RNGTT: variants seen among roughly 807,000 people sequenced by gnomAD.
RNGTT encodes mRNA-capping enzyme.
In RNGTT, 33 loss-of-function variants were observed where a neutral mutation model predicts 79.3. The ratio of observed to expected loss-of-function variants is 0.42; its 90% CI spans 0.32 to 0.56. The LOEUF (loss-of-function observed/expected upper bound fraction) is 0.56. RNGTT is among the 20% of genes least tolerant of loss of function. The probability of loss-of-function intolerance (pLI) is 0.17; values close to 1 mark genes in which losing one functional copy is unlikely to be tolerated. For missense variants in RNGTT, 497 were observed against 739.1 expected (o/e 0.67, Z 3.80); for synonymous variants, 222 against 235.9 (o/e 0.94, Z 0.54).
rs1783054235 is a variant in RNGTT at position 88,891,721 on chromosome 6, G to A, written c.794+85C>T. ...TCTATTGCAAACATACTAACTTCAA[G>A]GAGCCAAGAAGATATGTCAATGCTT... On this transcript the variant is annotated intron_variant, in intron 7 of 15. Coordinates refer to ENST00000369485, the MANE Select transcript of RNGTT (RefSeq NM_003800.5). The A allele has an allele frequency of 2.3e-5, 18 of 789,308 alleles. No homozygotes were observed. The South Asian group carries it at 4.3e-4, about 19-fold the overall frequency. The allele number at this position is 789,308 out of a possible 1,614,324, so 48.9% of individuals were successfully genotyped here. A position where few individuals can be genotyped will look rare whatever the true frequency, so the allele number is the denominator to read the frequency against.
rs578034548 is a variant in RNGTT at position 88,669,733 on chromosome 6, T to C, written c.1506+8620A>G. 1.2e-4 allele frequency among the ~76,000 whole-genome samples: 19 copies of C among 152,308 alleles called. No homozygotes were observed. In the South Asian group the frequency reaches 2.5e-3, roughly 20 times the overall value. On this transcript the variant is annotated intron_variant, in intron 14 of 15. Coordinates refer to ENST00000369485, the MANE Select transcript of RNGTT (RefSeq NM_003800.5). ...GATCAATGGGCAGGCAGTTGTGTCA[T>C]TGGCACCATTAAGCCATCCTTTTTC...
chr6:88,951,496 C>T (rs913260897), intron 1 of RNGTT, among the ~76,000 whole-genome samples: 1 of 151,920 alleles, frequency 6.6e-6, no homozygotes, highest in Admixed American at 6.5e-5. Context: ...CTTCATTGCT[C>T]TCTGATTTCA....
At chr6:88,837,016 C>G (rs779209044) in intron 11 of RNGTT, among the ~76,000 whole-genome samples, 3 of 152,078 alleles carry the variant, frequency 2.0e-5, no homozygotes, top group Non-Finnish European at 4.4e-5. Context: ...GATATTAACC[C>G]AAACCCAAAG....
intron 15 of RNGTT, 56 bp from the exon 16 acceptor site, chr6:88,612,938 C>T: frequency 6.6e-7 from 1 of 1,519,542 alleles, no homozygotes; most frequent in Non-Finnish European, 9.0e-7. Flanking sequence ...AGCTGACTCA[C>T]CACAGGCTTA....
intron 8 of RNGTT, among the ~76,000 whole-genome samples, chr6:88,859,833 T>C (rs551084236): frequency 6.6e-5 from 10 of 152,316 alleles, no homozygotes; most frequent in Admixed American, 4.6e-4. Flanking sequence ...TTCCTGCCTG[T>C]GCTCCCAGTG....
At chr6:88,663,800 G>A (rs1476582946) in intron 14 of RNGTT, among the ~76,000 whole-genome samples, 4 of 152,080 alleles carry the variant, frequency 2.6e-5, no homozygotes, top group South Asian at 2.1e-4. Context: ...AGAGAGCAAC[G>A]GTATACTGGG....
At chr6:88,640,567 A>G (rs1194134774) in intron 14 of RNGTT, among the ~76,000 whole-genome samples, 3 of 94,732 alleles carry the variant, frequency 3.2e-5, no homozygotes, top group African/African-American at 2.2e-4. Context: ...AAAAGAAAAG[A>G]AAAAAAAAAA....
chr6:88,629,626 CA>C (rs1772769951), intron 14 of RNGTT, among the ~76,000 whole-genome samples: 1 of 151,998 alleles, frequency 6.6e-6, no homozygotes, highest in African/African-American at 2.4e-5. Flanking sequence ...ATTACGCAGG[CA>C]AAGAAAAAAG....
At position 88,894,664 on chromosome 6, in the gene RNGTT, A is replaced by G. The variant is rs117428734; in HGVS notation, c.685-2749T>C. Among the ~76,000 whole-genome samples the G allele has an allele frequency of 7.5e-3, 1,135 of 152,320 alleles. 6 individuals are homozygous for G. The highest frequency in any genetic ancestry group is 0.011 in the Admixed American group (162 of 15,306). On this transcript the variant is annotated intron_variant, in intron 6 of 15. Coordinates refer to ENST00000369485, the MANE Select transcript of RNGTT (RefSeq NM_003800.5). ...TCATCCCCATATGTGATCTCATTCC[A>G]AGTCTACAGCTGACTACCTTCATTG...
At chr6:88,870,271 G>GTA (rs1193139779) in intron 8 of RNGTT, among the ~76,000 whole-genome samples, 2 of 152,002 alleles carry the variant, frequency 1.3e-5, no homozygotes, top group African/African-American at 4.8e-5. Flanking sequence ...AAAACCAAAT[G>GTA]TAGTTCCTCC....
chr6:88,625,993 G>A (rs1411636523), intron 14 of RNGTT, among the ~76,000 whole-genome samples: 1 of 151,916 alleles, frequency 6.6e-6, no homozygotes, highest in African/African-American at 2.4e-5. Context: ...CTAACTAGAT[G>A]TAGAGTACTG....
Position 88,963,576 on chromosome 6 carries a change from T to A in RNGTT, c.-167A>T. The A allele has an allele frequency of 1.7e-6, 1 of 577,746 alleles. No individual in the cohort carries two copies. The highest frequency in any genetic ancestry group is 2.9e-6 in the Non-Finnish European group (1 of 344,578). The allele number at this position is 577,746 out of a possible 1,614,324, so 35.8% of individuals were successfully genotyped here. ...TAACGTCAGGGGCGGCGCGCCACTT[T>A]CATTCAGGATCAACTCCACAGCTCC... is the stretch of plus-strand genomic sequence containing the variant. On this transcript the variant is annotated 5_prime_UTR_variant, in exon 1 of 16. The change creates a premature stop within an existing upstream ORF in the 5' untranslated region. Transcript: ENST00000369485.
At chr6:88,810,191 A>T (rs532636539) in intron 11 of RNGTT, among the ~76,000 whole-genome samples, 2 of 152,332 alleles carry the variant, frequency 1.3e-5, no homozygotes, top group East Asian at 3.9e-4. Context: ...AAAAATAGCC[A>T]GTTGGGCTGA....
Position 88,963,495 on chromosome 6 carries a change from G to A in RNGTT, c.-86C>T, listed in dbSNP as rs1021108600. On this transcript the variant is annotated 5_prime_UTR_variant, in exon 1 of 16. Coordinates refer to ENST00000369485, the MANE Select transcript of RNGTT (RefSeq NM_003800.5). ...CTCCCCGTGGTCCGGTGCACACCGG[G>A]GTCCGAGACACCCGAATCGCAGCCG... is the stretch of plus-strand genomic sequence containing the variant. The A allele has an allele frequency of 1.4e-5, 18 of 1,295,944 alleles. No homozygotes were observed. The highest frequency in any genetic ancestry group is 1.8e-5 in the Non-Finnish European group (17 of 963,736). The allele number at this position is 1,295,944 out of a possible 1,614,324, so 80.3% of individuals were successfully genotyped here.
intron 12 of RNGTT, among the ~76,000 whole-genome samples, chr6:88,782,817 G>C (rs568148215): frequency 6.6e-6 from 1 of 152,206 alleles, no homozygotes; most frequent in Admixed American, 6.5e-5. Flanking sequence ...AATCAGCAGG[G>C]AAATGCAAAT....
At chr6:88,745,625 T>G (rs888762703) in intron 13 of RNGTT, among the ~76,000 whole-genome samples, 1 of 152,214 alleles carries the variant, frequency 6.6e-6, no homozygotes, top group African/African-American at 2.4e-5. Flanking sequence ...ACTCACATAT[T>G]TCTATAGAAG....
At chr6:88,729,747 T>C (rs1777045330) in intron 13 of RNGTT, among the ~76,000 whole-genome samples, 1 of 152,116 alleles carries the variant, frequency 6.6e-6, no homozygotes, top group Non-Finnish European at 1.5e-5. Flanking sequence ...AACTCAATGT[T>C]ATACCGTCAT....
At chr6:88,859,972 T>G (rs1781957899) in intron 8 of RNGTT, among the ~76,000 whole-genome samples, 1 of 152,120 alleles carries the variant, frequency 6.6e-6, no homozygotes. Context: ...TGCAGACCAC[T>G]AAAATGTTTT....
At chr6:88,613,004 G>T in intron 15 of RNGTT, 122 bp from the exon 16 acceptor site, 1 of 884,068 alleles carries the variant, frequency 1.1e-6, no homozygotes, top group Non-Finnish European at 1.7e-6. Flanking sequence ...CCATTTGAGT[G>T]ATGTGCTTCA....
Sources: allele counts gnomAD v4.1 joint callset (sites outside exome capture counted in the v4.1 genomes callset), GRCh38; gene constraint gnomAD v4.1.1; transcripts MANE v1.5; gene names NCBI Gene and HGNC (gene_info 2026-07-23, HGNC 2026-07-21).